Variants in CELF2 observed in about 807,000 individuals in gnomAD.
CELF2 encodes CUG triplet repeat RNA-binding protein 2.
CELF2 carries 8 observed loss-of-function variants against 62.6 expected under a neutral mutation model. The ratio of observed to expected loss-of-function variants is 0.13; its 90% CI spans 0.07 to 0.23. The LOEUF (loss-of-function observed/expected upper bound fraction) is 0.23, where lower values mean the gene tolerates loss of function less well. Ranked by LOEUF, CELF2 falls within the 10% of genes least tolerant of loss-of-function variation. The probability of loss-of-function intolerance (pLI) is 1.00; values close to 1 mark genes in which losing one functional copy is unlikely to be tolerated. For synonymous variants in CELF2, 258 were observed against 250.0 expected (o/e 1.03, Z -0.30); for missense variants, 333 against 671.0 (o/e 0.50, Z 5.56).
the CELF2 span, among the ~76,000 whole-genome samples, chr10:10,608,129 A>AAAACAAAC: frequency 2.5e-3 from 315 of 125,186 alleles, no homozygotes; most frequent in South Asian, 6.4e-3. Flanking sequence ...AACTCTGTTA[A>AAAACAAAC]AAACAAACAA....
chr10:10,822,635 C>A (rs1397634593), intron 1 of CELF2, among the ~76,000 whole-genome samples: 1 of 152,188 alleles, frequency 6.6e-6, no homozygotes, highest in Non-Finnish European at 1.5e-5. Context: ...ACTACCTGTG[C>A]TTTTAATATA....
the CELF2 span, among the ~76,000 whole-genome samples, chr10:10,732,739 G>C: frequency 6.6e-6 from 1 of 152,064 alleles, no homozygotes; most frequent in Non-Finnish European, 1.5e-5. Flanking sequence ...GGCCAGGCTG[G>C]TCTTGAACTC....
intron 2 of CELF2, among the ~76,000 whole-genome samples, chr10:10,961,438 A>T (rs2049487976): frequency 6.6e-6 from 1 of 152,202 alleles, no homozygotes; most frequent in South Asian, 2.1e-4. Flanking sequence ...GTAACACGGA[A>T]GATTTTGTTT....
the CELF2 span, among the ~76,000 whole-genome samples, chr10:10,559,214 A>C: frequency 6.6e-6 from 1 of 152,194 alleles, no homozygotes; most frequent in Non-Finnish European, 1.5e-5. Context: ...TTCCTTCATC[A>C]GTATTAAGCA....
chr10:10,950,978 C>T (rs566800092), intron 2 of CELF2, among the ~76,000 whole-genome samples: 93 of 152,288 alleles, frequency 6.1e-4, no homozygotes, highest in Middle Eastern at 3.4e-3. Context: ...AGTGGTTATT[C>T]TCTCATGATA....
At chr10:11,072,904 A>T (rs971484032) in intron 1 of CELF2, among the ~76,000 whole-genome samples, 1 of 152,052 alleles carries the variant, frequency 6.6e-6, no homozygotes, top group Non-Finnish European at 1.5e-5. Context: ...GGTTTTTAAA[A>T]CATAGAAAAC....
chr10:10,608,129 A>AAAAT, the CELF2 span, among the ~76,000 whole-genome samples: 1 of 125,074 alleles, frequency 8.0e-6, no homozygotes, highest in Non-Finnish European at 2.0e-5. Context: ...AACTCTGTTA[A>AAAAT]AAACAAACAA....
chr10:11,329,104 C>G lies in CELF2; in HGVS notation c.*51C>G. On this transcript the variant is annotated 3_prime_UTR_variant, in exon 13 of 13. Coordinates refer to ENST00000633077, the MANE Select transcript of CELF2 (RefSeq NM_001326342.2). This position sits in a 1 kb window ranked among gnomAD's most constrained non-coding sequence, Gnocchi z 5.5. ...TCATTTTAGCTTTCTTAGGGTAAGT[C>G]CCACGAGCCAGCCTGTCTCAACAGG... 1 of 1,548,346 alleles carries G rather than the reference C, an allele frequency of 6.5e-7. No individual in the cohort carries two copies. The highest frequency in any genetic ancestry group is 8.8e-7 in the Non-Finnish European group (1 of 1,137,096).
intron 3 of CELF2, among the ~76,000 whole-genome samples, chr10:11,231,266 G>A (rs566580542): frequency 6.6e-6 from 1 of 152,228 alleles, no homozygotes; most frequent in Non-Finnish European, 1.5e-5. Context: ...ATTGTAGTCT[G>A]TAAGGACAAA....
the CELF2 span, among the ~76,000 whole-genome samples, chr10:10,499,621 T>TTTGGGA: frequency 6.6e-6 from 1 of 152,154 alleles, no homozygotes; most frequent in Admixed American, 6.5e-5. Flanking sequence ...GACTCAGGCC[T>TTTGGGA]GTAATCCCAG....
At chr10:10,999,657 C>G (rs1233008262) in intron 2 of CELF2, among the ~76,000 whole-genome samples, 1 of 152,200 alleles carries the variant, frequency 6.6e-6, no homozygotes, top group Non-Finnish European at 1.5e-5. Flanking sequence ...GTTTCAAACT[C>G]ATCTTTCCTA....
the CELF2 span, among the ~76,000 whole-genome samples, chr10:10,536,953 G>A: frequency 1.3e-5 from 2 of 152,232 alleles, no homozygotes; most frequent in African/African-American, 4.8e-5. Flanking sequence ...GCTGGGGCAA[G>A]AGGAGGCTTG....
At chr10:10,858,272 G>A (rs1285615242) in intron 1 of CELF2, among the ~76,000 whole-genome samples, 1 of 152,108 alleles carries the variant, frequency 6.6e-6, no homozygotes. Context: ...GCCTCTCTGT[G>A]GCCTCTCATC....
rs572409333 is a variant in CELF2 at position 10,875,200 on chromosome 10, AT to A, written c.54-44761del. On this transcript the variant is annotated intron_variant, in intron 1 of 13. Transcript: ENST00000636488. ...ATAAAATCCGATATTCCGTCTGAAA[AT>A]TTCAATTCCCAGCAGAAGTATAATT... 1.6e-3 allele frequency among the ~76,000 whole-genome samples: 240 copies of A among 152,312 alleles called. 1 individual carries two copies. The highest frequency in any genetic ancestry group is 5.5e-3 in the African/African-American group (227 of 41,556).
chr10:11,237,462 G>GT lies in CELF2; in HGVS notation c.355-11690dup, dbSNP rs947098825. On this transcript the variant is annotated intron_variant, in intron 3 of 12. Coordinates refer to ENST00000633077, the MANE Select transcript of CELF2 (RefSeq NM_001326342.2). This position sits in a 1 kb window ranked among gnomAD's most constrained non-coding sequence, Gnocchi z 4.0. The stretch of plus-strand genomic sequence containing the variant: ...GTAGTAGGTCATCCTGGGAAGCAGT[G>GT]TAAGAGATCAGGGTGGACAGAGTCG... Among the ~76,000 whole-genome samples, 7 of 152,290 alleles carry GT rather than the reference G, an allele frequency of 4.6e-5. No individual in the cohort carries two copies. Among genetic ancestry groups the GT allele is most frequent in the African/African-American group, 1.7e-4 (7 of 41,560 alleles).
At chr10:10,825,998 A>G (rs563340914) in intron 1 of CELF2, among the ~76,000 whole-genome samples, 2 of 152,338 alleles carry the variant, frequency 1.3e-5, no homozygotes, top group East Asian at 3.9e-4. Flanking sequence ...AAGACTTCAA[A>G]TCTCTGATAT....
the CELF2 span, among the ~76,000 whole-genome samples, chr10:10,686,483 C>A: frequency 4.6e-5 from 7 of 152,032 alleles, no homozygotes; most frequent in Non-Finnish European, 8.8e-5. Context: ...GCTCTGTGTC[C>A]CCACCCAAAT....
In CELF2 at chr10:11,243,410, T is replaced by G. The variant is rs577189659; in HGVS notation, c.355-5743T>G. Among the ~76,000 whole-genome samples the G allele has an allele frequency of 3.3e-5, 5 of 151,928 alleles. No individual in the cohort carries two copies. Among genetic ancestry groups the G allele is most frequent in the African/African-American group, 9.6e-5 (4 of 41,464 alleles). On this transcript the variant is annotated intron_variant, in intron 3 of 12. Transcript: ENST00000633077. The surrounding 1 kb of genome is among the most constrained non-coding windows in gnomAD (Gnocchi z 4.1). ...AAATTCATGTACCATCAAGGAAATC[T>G]TCACATGAATGGGTTTAGAAGCCTT...
At chr10:10,662,912 A>T in the CELF2 span, among the ~76,000 whole-genome samples, 5,026 of 152,242 alleles carry the variant, frequency 0.033, 191 homozygotes, top group Admixed American at 0.083. Flanking sequence ...CCCCCACAGC[A>T]CTTGGCACAA....
Sources: gnomAD v4.1 joint callset for allele counts (sites outside exome capture counted in the v4.1 genomes callset) on GRCh38, gnomAD v4.1.1 for gene constraint, Gnocchi (gnomAD v3.1) non-coding constraint, MANE v1.5 for transcripts, NCBI Gene and HGNC (gene_info 2026-07-23, HGNC 2026-07-21) for gene names.